CDKAL1: variants seen among roughly 807,000 people sequenced by gnomAD.
The protein encoded by CDKAL1 is CDKAL1 threonylcarbamoyladenosine tRNA methylthiotransferase.
Under a neutral mutation model 68.2 loss-of-function variants are expected in CDKAL1, and 32 were observed. The observed-to-expected ratio is 0.47, with a 90% CI of 0.35 to 0.63. The LOEUF (loss-of-function observed/expected upper bound fraction) is 0.63. Ranked by LOEUF, CDKAL1 falls within the 30% of genes least tolerant of loss-of-function variation. The pLI, the probability that CDKAL1 is intolerant of heterozygous loss-of-function variation, is 0.00. For synonymous variants in CDKAL1, 234 were observed against 244.3 expected (o/e 0.96, Z 0.39); for missense variants, 606 against 696.7 (o/e 0.87, Z 1.47).
intron 13 of CDKAL1, among the ~76,000 whole-genome samples, chr6:21,187,638 G>C (rs1213817018): frequency 1.3e-5 from 2 of 152,112 alleles, no homozygotes; most frequent in Non-Finnish European, 2.9e-5. Flanking sequence ...GACTCCCCAT[G>C]CTTTTGGAAT....
intron 12 of CDKAL1, among the ~76,000 whole-genome samples, chr6:21,091,552 A>G (rs1037102832): frequency 6.6e-6 from 1 of 152,144 alleles, no homozygotes; most frequent in African/African-American, 2.4e-5. Flanking sequence ...GCATCTCCTC[A>G]CTCACACCAA....
chr6:21,196,001 T>C (rs1183240441), intron 13 of CDKAL1, among the ~76,000 whole-genome samples: 2 of 152,216 alleles, frequency 1.3e-5, no homozygotes, highest in East Asian at 3.8e-4. Context: ...TTATGGTTGA[T>C]TAAAAGCCCA....
intron 8 of CDKAL1, among the ~76,000 whole-genome samples, chr6:20,819,225 T>C (rs1332280909): frequency 6.6e-6 from 1 of 152,140 alleles, no homozygotes; most frequent in Non-Finnish European, 1.5e-5. Flanking sequence ...TATAGTATTT[T>C]TTTTTTGACC....
intron 4 of CDKAL1, among the ~76,000 whole-genome samples, chr6:20,584,046 C>CT (rs56742923): frequency 0.091 from 12,759 of 140,552 alleles, 625 homozygotes; most frequent in African/African-American, 0.12. Context: ...TGCTGGTTTC[C>CT]TTTTTTTTTT....
chr6:21,069,974 T>C (rs989654980), intron 12 of CDKAL1, among the ~76,000 whole-genome samples: 1 of 151,764 alleles, frequency 6.6e-6, no homozygotes, highest in African/African-American at 2.4e-5. Context: ...GTATTTTTAG[T>C]AGAGTCGAGG....
chr6:20,990,397 A>C (rs185099892), intron 10 of CDKAL1, among the ~76,000 whole-genome samples: 1 of 152,350 alleles, frequency 6.6e-6, no homozygotes, highest in East Asian at 1.9e-4. Context: ...TGTGACACTA[A>C]GATGAATTGG....
rs188778497 is a variant in CDKAL1, at chr6:20,785,816, G to A, written c.638+4551G>A. 3.3e-5 allele frequency among the ~76,000 whole-genome samples: 5 copies of A among 152,228 alleles called. No homozygotes were observed. In the South Asian group the frequency reaches 1.0e-3, roughly 32 times the overall value. ...ATTTTTCATTTTTCGTTTAGGAAAA[G>A]GGTCCCATTTGTAGCAACTTTTATT... On this transcript the variant is annotated intron_variant, in intron 8 of 15. Coordinates refer to ENST00000274695, the MANE Select transcript of CDKAL1 (RefSeq NM_017774.3).
chr6:21,126,849 C>T (rs1240486433), intron 13 of CDKAL1, among the ~76,000 whole-genome samples: 2 of 152,102 alleles, frequency 1.3e-5, no homozygotes, highest in Non-Finnish European at 2.9e-5. Context: ...ATTGAACTGT[C>T]AAGGTAGTTT....
At chr6:20,652,600 C>T (rs914999257) in intron 5 of CDKAL1, among the ~76,000 whole-genome samples, 3 of 152,128 alleles carry the variant, frequency 2.0e-5, no homozygotes, top group African/African-American at 7.2e-5. Flanking sequence ...TGGGTCTAAT[C>T]GGCCCCCTGT....
intron 9 of CDKAL1, among the ~76,000 whole-genome samples, chr6:20,928,083 G>C (rs557089782): frequency 3.3e-5 from 5 of 152,242 alleles, no homozygotes; most frequent in South Asian, 2.1e-4. Flanking sequence ...TGAGAGCTCT[G>C]ATAGTTTCAG....
rs186550690 is a variant in CDKAL1 at position 20,792,853 on chromosome 6, A to G, written c.638+11588A>G. ...TCTTGGGAGCCTTACAGTCTAGTGTAGTTTAGTTAACTGGGAAATAATTTT... is the reference window on the plus strand; with the variant it reads ...TCTTGGGAGCCTTACAGTCTAGTGTGGTTTAGTTAACTGGGAAATAATTTT... On this transcript the variant is annotated intron_variant, in intron 8 of 15. Coordinates refer to ENST00000274695, the MANE Select transcript of CDKAL1 (RefSeq NM_017774.3). Among the ~76,000 whole-genome samples, 383 of 152,350 alleles carry G rather than the reference A, an allele frequency of 2.5e-3. 4 individuals are homozygous for G. The highest frequency in any genetic ancestry group is 3.3e-3 in the Non-Finnish European group (224 of 68,022).
chr6:20,628,472 A>C (rs370975872), intron 4 of CDKAL1, among the ~76,000 whole-genome samples: 1 of 152,208 alleles, frequency 6.6e-6, no homozygotes, highest in Non-Finnish European at 1.5e-5. Flanking sequence ...CTCTGAATCA[A>C]CTTCATGTAT....
intron 13 of CDKAL1, among the ~76,000 whole-genome samples, chr6:21,128,336 T>C (rs1775122572): frequency 6.6e-6 from 1 of 152,240 alleles, no homozygotes. Flanking sequence ...TTATATTAAA[T>C]GCATTTTCAA....
intron 9 of CDKAL1, among the ~76,000 whole-genome samples, chr6:20,940,170 G>T (rs1763903190): frequency 6.6e-6 from 1 of 152,114 alleles, no homozygotes. Flanking sequence ...TATTAACTAT[G>T]TAATATAATG....
chr6:20,988,179 AAT>A (rs1491537217), intron 10 of CDKAL1, among the ~76,000 whole-genome samples: 4 of 40,996 alleles, frequency 9.8e-5, no homozygotes, highest in Non-Finnish European at 2.3e-4. Flanking sequence ...AAAGAAACAT[AAT>A]ATGTGTGTGT....
intron 15 of CDKAL1, among the ~76,000 whole-genome samples, chr6:21,209,444 A>T (rs1779070300): frequency 6.6e-6 from 1 of 152,232 alleles, no homozygotes; most frequent in Non-Finnish European, 1.5e-5. Context: ...AATGTTTATT[A>T]TCCAGGAACG....
chr6:20,585,652 C>T (rs981940721), intron 4 of CDKAL1, among the ~76,000 whole-genome samples: 1 of 152,190 alleles, frequency 6.6e-6, no homozygotes, highest in Non-Finnish European at 1.5e-5. Context: ...TCTGGAAATA[C>T]TGTGGCCTTC....
At chr6:20,676,409 T>A (rs1770099813) in intron 5 of CDKAL1, among the ~76,000 whole-genome samples, 1 of 152,128 alleles carries the variant, frequency 6.6e-6, no homozygotes, top group African/African-American at 2.4e-5. Flanking sequence ...GGCTCATGCC[T>A]GTAATCCCAA....
intron 13 of CDKAL1, among the ~76,000 whole-genome samples, chr6:21,133,795 TC>T (rs1378040013): frequency 3.3e-5 from 5 of 152,292 alleles, no homozygotes; most frequent in Admixed American, 6.5e-5. Flanking sequence ...TGTACTAACC[TC>T]CCACTAGTAC....
Sources: gnomAD v4.1 joint callset for allele counts (sites outside exome capture counted in the v4.1 genomes callset) on GRCh38, gnomAD v4.1.1 for gene constraint, MANE v1.5 for transcripts, NCBI Gene and HGNC (gene_info 2026-07-23, HGNC 2026-07-21) for gene names.